The following ZNF717 variants were observed in gnomAD, a reference collection of about 807,000 sequenced individuals.
ZNF717 encodes the protein krueppel-like factor X17.
In ZNF717, 9 loss-of-function variants were observed where a neutral mutation model predicts 13.8. That is an observed-to-expected ratio of 0.65 (90% CI 0.39 to 1.14). The LOEUF (loss-of-function observed/expected upper bound fraction) is 1.14. Ranked by LOEUF, ZNF717 falls within the 50% of genes most tolerant of loss-of-function variation. The pLI, the probability that ZNF717 is intolerant of heterozygous loss-of-function variation, is 0.01. For missense variants in ZNF717, 1,040 were observed against 1,080.7 expected, an observed-to-expected ratio of 0.96 and a Z score of 0.53; for synonymous variants, 327 against 364.1, an observed-to-expected ratio of 0.90 and a Z score of 1.16.
chr3:75,700,707 C>T (rs78119905), intron 6 of ZNF717, among the ~76,000 whole-genome samples: 3 of 146,648 alleles, frequency 2.0e-5, no homozygotes, highest in African/African-American at 7.4e-5. Context: ...GTTTTGTAAT[C>T]AATAGGGCTG....
chr3:75,737,236 T>G lies in ZNF717; in HGVS notation c.2387A>C (p.Tyr796Ser), dbSNP rs77304443. The change falls in exon 5 of 5, where the codon TAC (tyrosine) becomes TCC (serine). Residue 796 changes from tyrosine (Y) to serine (S), a missense_variant. Tyr to Ser is a moderately radical substitution (Grantham distance 144). Around this residue, in one of 3 missense-constraint regions of ZNF717, gnomAD observed 873 missense variants for 832.8 expected, o/e 1.05. Coordinates refer to ENST00000652011, the MANE Select transcript of ZNF717 (RefSeq NM_001290208.3). ...ATGTATGGTGAGAACTGTCTTATCGTAAAAAGTTTTCCTACATTCATCACA... is the reference window on the plus strand; with the variant it reads ...ATGTATGGTGAGAACTGTCTTATCGGAAAAAGTTTTCCTACATTCATCACA... Reference protein sequence around the residue: ...YECDECRKTFYDKTVLTIHQR... With the variant: ...YECDECRKTFSDKTVLTIHQR... 4 of 1,530,048 alleles carry G rather than the reference T, an allele frequency of 2.6e-6. No homozygotes were observed. In the South Asian group the frequency reaches 3.6e-5, roughly 14 times the overall value. 94.8% of individuals were successfully genotyped at this position (1,530,048 alleles called of 1,614,324 possible).
intron 6 of ZNF717, among the ~76,000 whole-genome samples, chr3:75,699,147 C>T (rs60200169): frequency 6.6e-6 from 1 of 151,458 alleles, no homozygotes; most frequent in Non-Finnish European, 1.5e-5. Flanking sequence ...TACCCAATGC[C>T]ACTGCCCCAT....
At chr3:75,724,053 A>G (rs1938225383) in intron 4 of ZNF717, among the ~76,000 whole-genome samples, 1 of 151,982 alleles carries the variant, frequency 6.6e-6, no homozygotes, top group Non-Finnish European at 1.5e-5. Flanking sequence ...CATTGAAGAA[A>G]TAATGGCGTA....
chr3:75,757,857 G>A (rs896439258), intron 2 of ZNF717, among the ~76,000 whole-genome samples: 46 of 151,702 alleles, frequency 3.0e-4, no homozygotes, highest in African/African-American at 1.1e-3. Context: ...GCTCACGCCT[G>A]TAATCCCAGC....
intron 6 of ZNF717, among the ~76,000 whole-genome samples, chr3:75,703,932 A>G (rs1490035509): frequency 6.6e-5 from 10 of 152,216 alleles, no homozygotes; most frequent in African/African-American, 2.4e-4. Flanking sequence ...CACAAATTAC[A>G]ATTGCAGAAT....
In ZNF717 at chr3:75,714,377, A is replaced by T. The variant is rs77780014; in HGVS notation, n.667+2042T>A. Reference sequence around the variant, plus strand: ...GACCAAGGAGCCCTTGTCTTCTGGTAACTTCTCACTATGTCCCCTCAGCTC... The same window carrying T: ...GACCAAGGAGCCCTTGTCTTCTGGTTACTTCTCACTATGTCCCCTCAGCTC... On this transcript the variant is annotated intron_variant and non_coding_transcript_variant, in intron 5 of 5. Transcript: ENST00000491507. Among the ~76,000 whole-genome samples, 9 of 151,730 alleles carry T rather than the reference A, an allele frequency of 5.9e-5. No individual in the cohort carries two copies. In the South Asian group the frequency reaches 1.2e-3, roughly 21 times the overall value.
intron 6 of ZNF717, among the ~76,000 whole-genome samples, chr3:75,698,478 A>C (rs1226861624): frequency 6.6e-6 from 1 of 152,310 alleles, no homozygotes; most frequent in East Asian, 1.9e-4. Flanking sequence ...GATTTGGAAC[A>C]TGGCTCCCTG....
intron 6 of ZNF717, among the ~76,000 whole-genome samples, chr3:75,703,542 TAATA>T (rs375591532): frequency 1.4e-5 from 2 of 147,918 alleles, no homozygotes; most frequent in African/African-American, 2.5e-5. Flanking sequence ...ATAATAATAA[TAATA>T]AATAAATAAA....
At chr3:75,725,214 T>TTA (rs1276862908), downstream of ZNF717, among the ~76,000 whole-genome samples, 4 of 145,032 alleles carry the variant, frequency 2.8e-5, no homozygotes, top group Admixed American at 6.9e-5. Flanking sequence ...CAGCCTGCAC[T>TTA]CCTCTCACTT....
downstream of ZNF717, among the ~76,000 whole-genome samples, chr3:75,733,023 T>A (rs62250093): frequency 8.3e-6 from 1 of 120,390 alleles, no homozygotes; most frequent in Non-Finnish European, 1.9e-5. Flanking sequence ...AGCAGAGAGA[T>A]AGAAGTCCAA....
chr3:75,777,567 G>A (rs1212750496), intron 2 of ZNF717, among the ~76,000 whole-genome samples: 1 of 151,658 alleles, frequency 6.6e-6, no homozygotes, highest in Non-Finnish European at 1.5e-5. Context: ...CCAAAACAAT[G>A]GGAGTAATCT....
At chr3:75,725,330 T>A (rs1423491146), downstream of ZNF717, among the ~76,000 whole-genome samples, 10 of 152,268 alleles carry the variant, frequency 6.6e-5, no homozygotes, top group African/African-American at 2.4e-4. Flanking sequence ...TCTCACTCTT[T>A]AGCAAGGACT....
intron 5 of ZNF717, among the ~76,000 whole-genome samples, chr3:75,715,266 T>C (rs1163902165): frequency 3.9e-5 from 6 of 152,228 alleles, no homozygotes; most frequent in Admixed American, 3.3e-4. Context: ...AAATAAAATC[T>C]CCATGTAACC....
chr3:75,715,558 T>C (rs1432571046), intron 5 of ZNF717, among the ~76,000 whole-genome samples: 2 of 152,236 alleles, frequency 1.3e-5, no homozygotes, highest in Non-Finnish European at 2.9e-5. Flanking sequence ...TTGTACACAA[T>C]TGTAAGTCAG....
chr3:75,776,140 G>C (rs1289971713), intron 2 of ZNF717, among the ~76,000 whole-genome samples: 2 of 152,260 alleles, frequency 1.3e-5, no homozygotes, highest in Non-Finnish European at 2.9e-5. Context: ...GACTTATGAA[G>C]AACCAGGATG....
Position 75,737,249 on chromosome 3 carries a change from T to C in ZNF717, c.2374A>G (p.Arg792Gly). 1 of 1,552,864 alleles carries C rather than the reference T, an allele frequency of 6.4e-7. No individual in the cohort carries two copies. The highest frequency in any genetic ancestry group is 8.7e-7 in the Non-Finnish European group (1 of 1,147,816). ...ACTGTCTTATCGTAAAAAGTTTTCC[T>C]ACATTCATCACATTCATAGGGTTTC... Reference protein sequence around the residue: ...GEKPYECDECRKTFYDKTVLT... With the variant: ...GEKPYECDECGKTFYDKTVLT... The change falls in exon 5 of 5, where the codon AGG (arginine) becomes GGG (glycine). Residue 792 changes from arginine to glycine, a missense_variant. Arg to Gly is a moderately radical substitution (Grantham distance 125). Transcript: ENST00000652011.
chr3:75,738,258 C>T lies in ZNF717; in HGVS notation c.1365G>A (p.Glu455=), dbSNP rs1319639952. The change falls in exon 5 of 5, where the codon GAG becomes GAA. Residue 455 remains glutamate, a synonymous_variant. Coordinates refer to ENST00000652011, the MANE Select transcript of ZNF717 (RefSeq NM_001290208.3). Reference sequence around the variant, plus strand: ...ACTTATTGATAAAGGGTTTTCCACACTCATTACATTCATACGGTTTTTCCC... The same window carrying T: ...ACTTATTGATAAAGGGTTTTCCACATTCATTACATTCATACGGTTTTTCCC... ...HTGEKPYECN[E]CGKPFINKSN... The T allele has an allele frequency of 4.5e-6, 7 of 1,538,670 alleles. No individual in the cohort carries two copies. Among genetic ancestry groups the T allele is most frequent in the Non-Finnish European group, 6.2e-6 (7 of 1,136,960 alleles).
chr3:75,740,168 G>C (rs2107160575), intron 4 of ZNF717, among the ~76,000 whole-genome samples: 1 of 152,122 alleles, frequency 6.6e-6, no homozygotes, highest in Non-Finnish European at 1.5e-5. Flanking sequence ...ATTTTTGAAG[G>C]GTTTTATTTT....
intron 4 of ZNF717, among the ~76,000 whole-genome samples, chr3:75,722,851 CT>C (rs1938197003): frequency 2.8e-5 from 2 of 70,522 alleles, no homozygotes; most frequent in Non-Finnish European, 8.9e-5. Flanking sequence ...AACTATTGTT[CT>C]TCTTCTTTGA....
Sources: gnomAD v4.1 joint callset for allele counts (sites outside exome capture counted in the v4.1 genomes callset) on GRCh38, gnomAD v4.1.1 for gene constraint, gnomAD v4.1.1 regional missense constraint, MANE v1.5 for transcripts, NCBI Gene and HGNC (gene_info 2026-07-23, HGNC 2026-07-21) for gene names.